The following TLR8 variants were observed in gnomAD, a reference collection of about 807,000 sequenced individuals.
TLR8 encodes the protein toll like receptor 8.
In TLR8, 5 loss-of-function variants were observed where a neutral mutation model predicts 18.5. The observed-to-expected ratio is 0.27, with a 90% CI of 0.14 to 0.57. TLR8 has a LOEUF of 0.57. TLR8 is among the 20% of genes least tolerant of loss of function. TLR8 has a pLI of 0.92. For synonymous variants in TLR8, 299 were observed against 300.1 expected, an observed-to-expected ratio of 1.00 and a Z score of 0.04; for missense variants, 543 against 769.8, an observed-to-expected ratio of 0.71 and a Z score of 3.49.
At chrX:12,908,904 C>T (rs192050195) in intron 1 of TLR8, among the ~76,000 whole-genome samples, 193 of 112,091 alleles carry the variant, frequency 1.7e-3, no homozygotes, top group African/African-American at 5.9e-3. Context: ...TTATAATAAT[C>T]TAAGAATCTC....
At chrX:12,917,640 A>G (rs2043064412) in intron 1 of TLR8, among the ~76,000 whole-genome samples, 1 of 112,154 alleles carries the variant, frequency 8.9e-6, no homozygotes, top group Non-Finnish European at 1.9e-5. Context: ...ATTGCATTGT[A>G]TGGTTACCAA....
In TLR8 at chrX:12,921,880, C is replaced by A; in HGVS notation, c.2840C>A (p.Thr947Asn). ...NQSKKTVFVL[T>N]KKYAKSWNFK... ...AGCAAGAAAACAGTATTTGTTTTAA[C>A]CAAAAAATATGCAAAAAGCTGGAAC... The change falls in exon 2 of 2, where the codon ACC becomes AAC. Residue 947 changes from threonine (T) to asparagine (N), a missense_variant. Around this residue, in one of 4 missense-constraint regions of TLR8, gnomAD observed 227 missense variants for 312.9 expected, o/e 0.73. Transcript: ENST00000218032. The A allele has an allele frequency of 8.3e-7, 1 of 1,211,124 alleles. No homozygotes were observed. Among genetic ancestry groups the A allele is most frequent in the Non-Finnish European group, 1.1e-6 (1 of 895,304 alleles).
In TLR8 at chrX:12,919,526, T is replaced by C. The variant is rs749440648; in HGVS notation, c.486T>C (p.Thr162=). 1.7e-6 allele frequency: 2 copies of C among 1,206,382 alleles called. No homozygotes were observed. The highest frequency in any genetic ancestry group is 2.2e-6 in the Non-Finnish European group (2 of 893,643). ...SLIQNNIYNI[T]KEGISRLINL... ...TTCAAAACAATATATACAACATAAC[T>C]AAAGAGGGCATTTCAAGACTTATAA... The change falls in exon 2 of 2, where the codon ACT becomes ACC. Residue 162 remains threonine, a synonymous_variant. Coordinates refer to ENST00000218032, the MANE Select transcript of TLR8 (RefSeq NM_138636.5).
chrX:12,920,532 C>A lies in TLR8; in HGVS notation c.1492C>A (p.Pro498Thr). The change falls in exon 2 of 2, where the codon CCA becomes ACA. Residue 498 changes from proline to threonine, a missense_variant. Physicochemically the swap from Pro to Thr is conservative, Grantham distance 38. Transcript: ENST00000218032. ...CCTCAACAGTATTTTCTTCATTGGG[C>A]CAAACCAATTTGAAAATCTTCCTGA... Reference protein sequence around the residue: ...LSLNSIFFIGPNQFENLPDIA... With the variant: ...LSLNSIFFIGTNQFENLPDIA... 4 of 1,211,606 alleles carry A rather than the reference C, an allele frequency of 3.3e-6. No homozygotes were observed. The highest frequency in any genetic ancestry group is 4.5e-6 in the Non-Finnish European group (4 of 895,271).
rs1357548735 is a variant in TLR8, at chrX:12,906,680, G to A, written c.-27G>A. On this transcript the variant is annotated 5_prime_UTR_variant, in exon 1 of 2. Transcript: ENST00000218032. ...ACCATTCTGCGCTGCTGCAAGTTAC[G>A]GAATGAAAAATTAGAACAACAGAAA... The A allele has an allele frequency of 1.5e-5, 17 of 1,104,877 alleles. No individual in the cohort carries two copies. The highest frequency in any genetic ancestry group is 3.5e-5 in the Admixed American group (1 of 28,901). 91.1% of individuals were successfully genotyped at this position (1,104,877 alleles called of 1,213,427 possible).
rs1258582520 is a variant in TLR8 at position 12,919,667 on chromosome X, T to C, written c.627T>C (p.Ser209=). ...CAAATTTGGAGTTGCTATCACTATCTTTCAATTCTCTTTCACACGTGCCAC... is the reference window on the plus strand; with the variant it reads ...CAAATTTGGAGTTGCTATCACTATCCTTCAATTCTCTTTCACACGTGCCAC... ...TLTNLELLSL[S]FNSLSHVPPK... The change falls in exon 2 of 2, where the codon TCT becomes TCC. Residue 209 remains serine, a synonymous_variant. Transcript: ENST00000218032. 8.3e-7 allele frequency: 1 copy of C among 1,211,583 alleles called. No homozygotes were observed. Among genetic ancestry groups the C allele is most frequent in the Non-Finnish European group, 1.1e-6 (1 of 895,358 alleles).
At position 12,921,812 on chromosome X, in the gene TLR8, G is replaced by A. The variant is rs376586757; in HGVS notation, c.2772G>A (p.Pro924=). ...LLCLEERDWD[P]GLAIIDNLMQ... ...GTCTAGAGGAGAGGGATTGGGACCC[G>A]GGATTGGCCATCATCGACAACCTCA... The change falls in exon 2 of 2, where the codon CCG becomes CCA. Residue 924 remains proline, a synonymous_variant. Coordinates refer to ENST00000218032, the MANE Select transcript of TLR8 (RefSeq NM_138636.5). 11 of 1,209,904 alleles carry A rather than the reference G, an allele frequency of 9.1e-6. No homozygotes were observed. The highest frequency in any genetic ancestry group is 2.3e-4 in the Middle Eastern group (1 of 4,373).
chrX:12,916,620 G>A (rs1179327088), intron 1 of TLR8, among the ~76,000 whole-genome samples: 1 of 112,029 alleles, frequency 8.9e-6, no homozygotes, highest in Non-Finnish European at 1.9e-5. Flanking sequence ...AGAATTCATA[G>A]CATCTAGATA....
At position 12,919,894 on chromosome X, in the gene TLR8, A is replaced by C. The variant is rs1386418782; in HGVS notation, c.854A>C (p.Asn285Thr). ...SINIDRFAFQ[N>T]LTQLRYLNLS... Reference sequence around the variant, plus strand: ...AATATAGATCGTTTTGCTTTTCAAAACTTGACCCAACTTCGATACCTAAAC... The same window carrying C: ...AATATAGATCGTTTTGCTTTTCAAACCTTGACCCAACTTCGATACCTAAAC... The change falls in exon 2 of 2, where the codon AAC becomes ACC. Residue 285 changes from asparagine to threonine, a missense_variant. Coordinates refer to ENST00000218032, the MANE Select transcript of TLR8 (RefSeq NM_138636.5). 2.5e-6 allele frequency: 3 copies of C among 1,210,998 alleles called. No homozygotes were observed. Among genetic ancestry groups the C allele is most frequent in the Non-Finnish European group, 3.4e-6 (3 of 895,285 alleles).
chrX:12,920,819 C>T lies in TLR8; in HGVS notation c.1779C>T (p.His593=), dbSNP rs2043088609. ...FTNLKVLNLS[H]NNIYTLTDKY... is the part of the protein sequence containing the mutation. ...ATCTAAAAGTTTTAAACTTGAGCCA[C>T]AACAACATTTATACTTTAACAGATA... Residue 593 remains histidine (H), a synonymous_variant, in exon 2 of 2, where the codon CAC becomes CAT. Coordinates refer to ENST00000218032, the MANE Select transcript of TLR8 (RefSeq NM_138636.5). The T allele has an allele frequency of 2.5e-6, 3 of 1,209,435 alleles. No individual in the cohort carries two copies. The highest frequency in any genetic ancestry group is 2.2e-6 in the Non-Finnish European group (2 of 894,646).
rs777116141 is a variant in TLR8 at position 12,921,648 on chromosome X, T to G, written c.2608T>G (p.Tyr870Asp). The change falls in exon 2 of 2, where the codon TAC becomes GAC. Residue 870 changes from tyrosine (Y) to aspartate (D), a missense_variant. Tyr to Asp is a radical substitution (Grantham distance 160). This residue lies in a region of TLR8 where 227 missense variants were observed against 312.9 expected (regional missense o/e 0.73). Transcript: ENST00000218032. ...YNVCLAKVKG[Y>D]RSLSTSQTFY... is the part of the protein sequence containing the mutation. Reference sequence around the variant, plus strand: ...TGTGTGTTTAGCTAAGGTAAAAGGCTACAGGTCTCTTTCCACATCCCAAAC... The same window carrying G: ...TGTGTGTTTAGCTAAGGTAAAAGGCGACAGGTCTCTTTCCACATCCCAAAC... 8.3e-7 allele frequency: 1 copy of G among 1,211,886 alleles called. No individual in the cohort carries two copies. Among genetic ancestry groups the G allele is most frequent in the Non-Finnish European group, 1.1e-6 (1 of 895,380 alleles).
Position 12,920,429 on chromosome X carries a change from A to G in TLR8, c.1389A>G (p.Pro463=). The G allele has an allele frequency of 8.3e-7, 1 of 1,209,608 alleles. No individual in the cohort carries two copies. The highest frequency in any genetic ancestry group is 1.8e-5 in the South Asian group (1 of 56,426). ...KRRSTDFEFD[P]HSNFYHFTRP... is the part of the protein sequence containing the mutation. ...GCTCAACAGATTTTGAGTTTGACCC[A>G]CATTCGAACTTTTATCATTTCACCC... The change falls in exon 2 of 2, where the codon CCA becomes CCG. Residue 463 remains proline, a synonymous_variant. Coordinates refer to ENST00000218032, the MANE Select transcript of TLR8 (RefSeq NM_138636.5).
chrX:12,916,544 T>G (rs1390189679), intron 1 of TLR8, among the ~76,000 whole-genome samples: 1 of 112,103 alleles, frequency 8.9e-6, no homozygotes, highest in Non-Finnish European at 1.9e-5. Flanking sequence ...CCGGTACAGA[T>G]GTGAAGCCTG....
At position 12,921,350 on chromosome X, in the gene TLR8, C is replaced by T. The variant is rs1299363111; in HGVS notation, c.2310C>T (p.His770=). 3.3e-6 allele frequency: 4 copies of T among 1,210,013 alleles called. No homozygotes were observed. The highest frequency in any genetic ancestry group is 1.8e-5 in the South Asian group (1 of 56,832). The change falls in exon 2 of 2, where the codon CAC becomes CAT. Residue 770 remains histidine (H), a synonymous_variant. Transcript: ENST00000218032. ...CCAAATTATCTATGTTGGAACTACACGGAAACCCCTTTGAATGCACCTGTG... is the reference window on the plus strand; with the variant it reads ...CCAAATTATCTATGTTGGAACTACATGGAAACCCCTTTGAATGCACCTGTG... ...TTTKLSMLEL[H]GNPFECTCDI...
rs2042986671 is a variant in TLR8 at position 12,906,649 on chromosome X, G to A, written c.-58G>A. 9.6e-7 allele frequency: 1 copy of A among 1,037,515 alleles called. No individual in the cohort carries two copies. The allele number at this position is 1,037,515 out of a possible 1,213,427, so 85.5% of individuals were successfully genotyped here. On this transcript the variant is annotated 5_prime_UTR_variant, in exon 1 of 2. Coordinates refer to ENST00000218032, the MANE Select transcript of TLR8 (RefSeq NM_138636.5). Reference sequence around the variant, plus strand: ...TCTCTTCTCGGCCACCTCCTGCATAGAGGGTACCATTCTGCGCTGCTGCAA... The same window carrying A: ...TCTCTTCTCGGCCACCTCCTGCATAAAGGGTACCATTCTGCGCTGCTGCAA...
chrX:12,919,512 A>G lies in TLR8; in HGVS notation c.472A>G (p.Ile158Val), dbSNP rs376689229. The G allele has an allele frequency of 1.1e-5, 13 of 1,206,621 alleles. No homozygotes were observed. The African/African-American group carries it at 2.1e-4, about 20-fold the overall frequency. ...AGAACTTAGTCTAATTCAAAACAAT[A>G]TATACAACATAACTAAAGAGGGCAT... is the stretch of plus-strand genomic sequence containing the variant. ...LTELSLIQNN[I>V]YNITKEGISR... Residue 158 changes from isoleucine to valine, a missense_variant, in exon 2 of 2, where the codon ATA becomes GTA. Ile to Val is a conservative substitution (Grantham distance 29). Transcript: ENST00000218032.
chrX:12,923,164 T>G lies in TLR8; in HGVS notation c.*998T>G, dbSNP rs894112815. On this transcript the variant is annotated 3_prime_UTR_variant, in exon 2 of 2. Transcript: ENST00000218032. Reference sequence around the variant, plus strand: ...AATGAATGAATAAAAATGTTTCATTTTACAAGAGGAGTGTATGATAAATAT... The same window carrying G: ...AATGAATGAATAAAAATGTTTCATTGTACAAGAGGAGTGTATGATAAATAT... 1 of 112,223 alleles carries G rather than the reference T, an allele frequency of 8.9e-6. No individual in the cohort carries two copies. The highest frequency in any genetic ancestry group is 1.9e-5 in the Non-Finnish European group (1 of 53,290). 9.2% of individuals were successfully genotyped at this position (112,223 alleles called of 1,213,427 possible).
intron 1 of TLR8, chrX:12,908,288 C>G (rs1379940079): frequency 8.9e-6 from 1 of 112,004 alleles, no homozygotes; most frequent in Non-Finnish European, 1.9e-5. Flanking sequence ...TTGCAGTGAG[C>G]AAAGATCGCA....
intron 1 of TLR8, among the ~76,000 whole-genome samples, chrX:12,913,951 ACTGT>A (rs1299315354): frequency 2.7e-5 from 3 of 111,654 alleles, no homozygotes; most frequent in South Asian, 7.4e-4. Flanking sequence ...TTTTATGTGA[ACTGT>A]CTGTTAATAT....
Sources: allele counts gnomAD v4.1 joint callset (sites outside exome capture counted in the v4.1 genomes callset), GRCh38; gene constraint gnomAD v4.1.1; regional missense constraint gnomAD v4.1.1; transcripts MANE v1.5; gene names NCBI Gene and HGNC (gene_info 2026-07-23, HGNC 2026-07-21).